IRAG1: variants seen among roughly 807,000 people sequenced by gnomAD.
IRAG1 encodes the protein inositol 1,4,5-triphosphate receptor associated 1.
IRAG1 carries 62 observed loss-of-function variants against 106.2 expected under a neutral mutation model. The observed-to-expected ratio is 0.58, with a 90% CI of 0.48 to 0.72. The LOEUF (loss-of-function observed/expected upper bound fraction) is 0.72, where lower values mean the gene tolerates loss of function less well. Ranked by LOEUF, IRAG1 falls within the 30% of genes least tolerant of loss-of-function variation. IRAG1 has a pLI of 0.00. For synonymous variants in IRAG1, 462 were observed against 443.9 expected (o/e 1.04, Z -0.51); for missense variants, 1,064 against 1,140.7 (o/e 0.93, Z 0.97).
chr11:10,659,608 G>A lies in IRAG1; in HGVS notation c.68-7426C>T, dbSNP rs887828523. ...GCTCGTATAGGCTTTGTTGGCTGGG[G>A]GTGCCCTGGGAAGGAGCCAGCACCT... On this transcript the variant is annotated intron_variant, in intron 1 of 20. Transcript: ENST00000423302. The surrounding 1 kb of genome is among the most constrained non-coding windows in gnomAD (Gnocchi z 4.1). 2.6e-5 allele frequency among the ~76,000 whole-genome samples: 4 copies of A among 152,114 alleles called. No individual in the cohort carries two copies. The highest frequency in any genetic ancestry group is 9.7e-5 in the African/African-American group (4 of 41,418).
intron 2 of IRAG1, 52 bp from the exon 3 acceptor site, chr11:10,634,123 C>T: frequency 8.8e-7 from 1 of 1,133,650 alleles, no homozygotes; most frequent in Non-Finnish European, 1.3e-6. Flanking sequence ...GTGGGACTTC[C>T]AGGGACAGGA....
intron 3 of IRAG1, 113 bp from the exon 4 acceptor site, chr11:10,632,174 CTTTCCTTCTTTCTTTCTTT>C: frequency 1.4e-6 from 1 of 725,686 alleles, no homozygotes; most frequent in Non-Finnish European, 2.2e-6. Flanking sequence ...TTGTTTCCTT[CTTTCCTTCTTTCTTTCTTT>C]TTTTTTTTTT....
At position 10,603,336 on chromosome 11, in the gene IRAG1, G is replaced by T; in HGVS notation, c.1744-85C>A. On this transcript the variant is annotated intron_variant, in intron 13 of 20. Transcript: ENST00000423302. The stretch of plus-strand genomic sequence containing the variant: ...AGTCCCCAACCTTTTCGGCCTCAGG[G>T]ACTGGTTTGGAAGACAATTTTTCCA... 5 of 1,501,302 alleles carry T rather than the reference G, an allele frequency of 3.3e-6. No homozygotes were observed. The South Asian group carries it at 6.2e-5, about 19-fold the overall frequency. 93.0% of individuals were successfully genotyped at this position (1,501,302 alleles called of 1,614,324 possible).
At chr11:10,693,002 G>A (rs778632928) in intron 1 of IRAG1, among the ~76,000 whole-genome samples, 2 of 152,190 alleles carry the variant, frequency 1.3e-5, no homozygotes, top group Non-Finnish European at 2.9e-5. Context: ...AGAGGAGACA[G>A]GGACAGAGAT....
At chr11:10,629,130 A>G (rs1395168699) in intron 5 of IRAG1, among the ~76,000 whole-genome samples, 1 of 152,142 alleles carries the variant, frequency 6.6e-6, no homozygotes, top group East Asian at 1.9e-4. Context: ...TGGCAGGTAC[A>G]GCTCCAGAGG....
At chr11:10,580,312 T>G (rs1851262075) in intron 20 of IRAG1, 143 bp downstream of exon 20, 1 of 1,259,716 alleles carries the variant, frequency 7.9e-7, no homozygotes, top group Non-Finnish European at 1.1e-6. Flanking sequence ...ATGTGTGCCC[T>G]CTTGGTTTCT....
chr11:10,685,554 A>C (rs911118618), intron 1 of IRAG1, among the ~76,000 whole-genome samples: 2 of 151,930 alleles, frequency 1.3e-5, no homozygotes, highest in Non-Finnish European at 2.9e-5. Context: ...TCTCTAAAAC[A>C]AAAAAACGTT....
chr11:10,648,041 C>T (rs374847070), intron 2 of IRAG1, among the ~76,000 whole-genome samples: 2 of 152,032 alleles, frequency 1.3e-5, no homozygotes, highest in Non-Finnish European at 2.9e-5. Flanking sequence ...CCTTGGGAGG[C>T]GGTGAGCTTT....
chr11:10,603,184 G>C lies in IRAG1; in HGVS notation c.1811C>G (p.Ala604Gly). Residue 604 changes from alanine (A) to glycine (G), a missense_variant, in exon 14 of 21, where the codon GCT becomes GGT. Ala to Gly is a moderately conservative substitution (Grantham distance 60). Coordinates refer to ENST00000423302, the MANE Select transcript of IRAG1 (RefSeq NM_130385.4). ...GCGGGCAGCCAGGCGGTGCAGGACA[G>C]CGATGTCCTCCAGCAACTTCTGGTA... ...ETYQKLLEDI[A>G]VLHRLAARLS... 1.9e-6 allele frequency: 3 copies of C among 1,611,740 alleles called. No individual in the cohort carries two copies. Among genetic ancestry groups the C allele is most frequent in the Non-Finnish European group, 2.5e-6 (3 of 1,178,968 alleles).
chr11:10,676,314 T>C (rs1034797235), intron 1 of IRAG1, among the ~76,000 whole-genome samples: 2 of 152,240 alleles, frequency 1.3e-5, no homozygotes, highest in African/African-American at 2.4e-5. Flanking sequence ...GATGCGTACA[T>C]GACTCAGCAC....
Sources: gnomAD v4.1 joint callset for allele counts (sites outside exome capture counted in the v4.1 genomes callset) on GRCh38, gnomAD v4.1.1 for gene constraint, Gnocchi (gnomAD v3.1) non-coding constraint, MANE v1.5 for transcripts, NCBI Gene and HGNC (gene_info 2026-07-23, HGNC 2026-07-21) for gene names.